The following TAOK1 variants were observed in gnomAD, a reference collection of about 807,000 sequenced individuals.
TAOK1 encodes serine/threonine-protein kinase TAO1.
In TAOK1, 21 loss-of-function variants were observed where a neutral mutation model predicts 138.3. The observed-to-expected ratio is 0.15, with a 90% CI of 0.11 to 0.22. TAOK1 has a LOEUF of 0.22. TAOK1 is among the 10% of genes least tolerant of loss of function. The pLI, the probability that TAOK1 is intolerant of heterozygous loss-of-function variation, is 1.00. For synonymous variants in TAOK1, 361 were observed against 398.4 expected (o/e 0.91, Z 1.12); for missense variants, 651 against 1,227.7 (o/e 0.53, Z 7.02).
intron 2 of TAOK1, among the ~76,000 whole-genome samples, chr17:29,453,765 A>G (rs2030304305): frequency 6.7e-6 from 1 of 148,362 alleles, no homozygotes; most frequent in African/African-American, 2.5e-5. Flanking sequence ...GTTTTTATAT[A>G]TGGTGTGAGG....
chr17:29,508,233 C>T, intron 14 of TAOK1, 101 bp downstream of exon 14: 4 of 989,458 alleles, frequency 4.0e-6, no homozygotes, highest in Non-Finnish European at 6.2e-6. Context: ...TCCCGTGAAC[C>T]AAGCAAATTG....
chr17:29,474,031 G>A (rs1036748274), intron 3 of TAOK1, among the ~76,000 whole-genome samples: 1 of 151,952 alleles, frequency 6.6e-6, no homozygotes, highest in African/African-American at 2.4e-5. Flanking sequence ...CTACCGTGCC[G>A]GCCTACCTTG....
intron 9 of TAOK1, among the ~76,000 whole-genome samples, chr17:29,490,534 CTT>C (rs1222538844): frequency 3.9e-5 from 6 of 152,078 alleles, no homozygotes; most frequent in Admixed American, 2.0e-4. Flanking sequence ...TCATATAAGT[CTT>C]TGCCACTTAA....
rs1171262726 is a variant in TAOK1 at position 29,489,905 on chromosome 17, AT to A, written c.749+151del. The A allele has an allele frequency of 1.9e-5, 9 of 470,910 alleles. No homozygotes were observed. The East Asian group carries it at 2.8e-4, about 15-fold the overall frequency. 29.2% of individuals were successfully genotyped at this position (470,910 alleles called of 1,614,324 possible). ...AGATGTATTTTACCCTTTTAAATAT[AT>A]TTATTCTTTATCATGTTTCCATTTC... On this transcript the variant is annotated intron_variant, in intron 9 of 19. Coordinates refer to ENST00000261716, the MANE Select transcript of TAOK1 (RefSeq NM_020791.4).
At chr17:29,441,892 C>T (rs1052089913) in intron 1 of TAOK1, among the ~76,000 whole-genome samples, 26 of 150,134 alleles carry the variant, frequency 1.7e-4, no homozygotes, top group African/African-American at 5.6e-4. Flanking sequence ...AGCAAGACTC[C>T]GTCTCAAAAA....
At chr17:29,457,382 C>T (rs1321873583) in intron 2 of TAOK1, among the ~76,000 whole-genome samples, 8 of 137,236 alleles carry the variant, frequency 5.8e-5, no homozygotes, top group Non-Finnish European at 1.1e-4. Flanking sequence ...GGATTACAGG[C>T]GTGAGCCACC....
At chr17:29,399,010 G>A (rs1203847571) in intron 1 of TAOK1, among the ~76,000 whole-genome samples, 1 of 145,832 alleles carries the variant, frequency 6.9e-6, no homozygotes, top group Admixed American at 6.8e-5. Context: ...TTTTGAGACA[G>A]GGTCTCACTC....
At chr17:29,444,524 T>G (rs1311611764) in intron 1 of TAOK1, among the ~76,000 whole-genome samples, 1 of 152,238 alleles carries the variant, frequency 6.6e-6, no homozygotes, top group Non-Finnish European at 1.5e-5. Context: ...ATATTTTATT[T>G]TTGACTTTTT....
At chr17:29,446,199 T>A (rs1382293616) in intron 1 of TAOK1, among the ~76,000 whole-genome samples, 1 of 152,232 alleles carries the variant, frequency 6.6e-6, no homozygotes, top group Non-Finnish European at 1.5e-5. Flanking sequence ...ACTGACTTCC[T>A]CTGCTTCCTC....
chr17:29,523,230 T>C (rs1257036357), intron 17 of TAOK1, among the ~76,000 whole-genome samples: 1 of 151,610 alleles, frequency 6.6e-6, no homozygotes, highest in Non-Finnish European at 1.5e-5. Flanking sequence ...TTTAAAAATA[T>C]GAAAGTGCAT....
intron 18 of TAOK1, among the ~76,000 whole-genome samples, chr17:29,531,402 C>T (rs900554254): frequency 2.6e-5 from 4 of 152,070 alleles, no homozygotes; most frequent in African/African-American, 7.2e-5. Flanking sequence ...TCCTTGGCCT[C>T]CCGAGTAGCT....
intron 2 of TAOK1, among the ~76,000 whole-genome samples, chr17:29,458,116 A>AG (rs2030438448): frequency 6.6e-6 from 1 of 151,566 alleles, no homozygotes; most frequent in Non-Finnish European, 1.5e-5. Context: ...TCTTGAAAAA[A>AG]AAAAAATTAA....
chr17:29,414,889 T>C (rs568261052), intron 1 of TAOK1, among the ~76,000 whole-genome samples: 1 of 152,182 alleles, frequency 6.6e-6, no homozygotes, highest in East Asian at 1.9e-4. Flanking sequence ...CTGAATAATA[T>C]TCCATTATAT....
chr17:29,503,787 C>T (rs983545795), intron 13 of TAOK1, among the ~76,000 whole-genome samples: 22 of 152,004 alleles, frequency 1.4e-4, no homozygotes, highest in Admixed American at 3.3e-4. Flanking sequence ...CCAGCCTGGG[C>T]AACATGGTGA....
At chr17:29,516,331 G>A (rs753936727) in intron 15 of TAOK1, among the ~76,000 whole-genome samples, 7 of 151,484 alleles carry the variant, frequency 4.6e-5, no homozygotes, top group South Asian at 2.1e-4. Context: ...TGGGGTTTTC[G>A]TTGTGTTGTT....
At chr17:29,453,801 GT>G (rs151078375) in intron 2 of TAOK1, among the ~76,000 whole-genome samples, 23,340 of 141,728 alleles carry the variant, frequency 0.16, 1,946 homozygotes, top group Admixed American at 0.22. Flanking sequence ...ATTCACTTAG[GT>G]TTTTTTGTTT....
intron 19 of TAOK1, among the ~76,000 whole-genome samples, chr17:29,534,953 G>A (rs1253152899): frequency 6.6e-6 from 1 of 150,950 alleles, no homozygotes; most frequent in African/African-American, 2.5e-5. Context: ...GTGTGTGTGT[G>A]TGTGTGTGTG....
chr17:29,439,199 CTTTT>C (rs34102989), intron 1 of TAOK1, among the ~76,000 whole-genome samples: 2 of 130,778 alleles, frequency 1.5e-5, no homozygotes, highest in African/African-American at 5.9e-5. Flanking sequence ...TAATTTCTTT[CTTTT>C]TTTTTTTTTT....
At chr17:29,405,855 G>A (rs1197926546) in intron 1 of TAOK1, among the ~76,000 whole-genome samples, 1 of 152,118 alleles carries the variant, frequency 6.6e-6, no homozygotes, top group East Asian at 1.9e-4. Context: ...AATGACATAC[G>A]TATTTCTTAT....
Sources: allele counts gnomAD v4.1 joint callset (sites outside exome capture counted in the v4.1 genomes callset), GRCh38; gene constraint gnomAD v4.1.1; transcripts MANE v1.5; gene names NCBI Gene and HGNC (gene_info 2026-07-23, HGNC 2026-07-21).